RANBP2: variants seen among roughly 807,000 people sequenced by gnomAD.
RANBP2 encodes RAN binding protein 2, also known as E3 SUMO-protein ligase RanBP2.
Under a neutral mutation model 303.6 loss-of-function variants are expected in RANBP2, and 57 were observed. The observed-to-expected ratio is 0.19, with a 90% CI of 0.15 to 0.23. RANBP2 has a LOEUF of 0.23. Ranked by LOEUF, RANBP2 falls within the 10% of genes least tolerant of loss-of-function variation. RANBP2 has a pLI of 1.00. For synonymous variants in RANBP2, 1,167 were observed against 1,301.5 expected (o/e 0.90, Z 2.23); for missense variants, 3,138 against 3,780.8 (o/e 0.83, Z 4.46).
the RANBP2 span, among the ~76,000 whole-genome samples, chr2:109,429,706 G>A: frequency 2.0e-5 from 3 of 152,144 alleles, no homozygotes; most frequent in Non-Finnish European, 4.4e-5. Context: ...CTGAACATGC[G>A]TGACCATGGA....
chr2:108,847,281 A>G, the RANBP2 span, among the ~76,000 whole-genome samples: 1 of 152,200 alleles, frequency 6.6e-6, no homozygotes, highest in Admixed American at 6.5e-5. Context: ...AATCTGGCCT[A>G]CCACCTGTTT....
chr2:109,106,987 G>C, the RANBP2 span, among the ~76,000 whole-genome samples: 1 of 142,324 alleles, frequency 7.0e-6, no homozygotes, highest in Admixed American at 7.4e-5. Flanking sequence ...ACCCAGGCTA[G>C]AGTGCAATGC....
the RANBP2 span, among the ~76,000 whole-genome samples, chr2:109,064,325 G>A: frequency 9.8e-3 from 1,491 of 151,886 alleles, 11 homozygotes; most frequent in East Asian, 0.042. Flanking sequence ...GCATGGTGTC[G>A]GGTGCCTGTA....
At chr2:109,034,325 G>C in the RANBP2 span, among the ~76,000 whole-genome samples, 1 of 150,178 alleles carries the variant, frequency 6.7e-6, no homozygotes, top group Non-Finnish European at 1.5e-5. Flanking sequence ...AACCAGAAGG[G>C]TCAATTTCTA....
chr2:109,638,382 A>G, the RANBP2 span, among the ~76,000 whole-genome samples: 2 of 152,184 alleles, frequency 1.3e-5, no homozygotes, highest in Non-Finnish European at 1.5e-5. Flanking sequence ...CGAAACTTTC[A>G]TTTTCATGTT....
At chr2:108,821,928 CAAA>C in the RANBP2 span, among the ~76,000 whole-genome samples, 2 of 130,836 alleles carry the variant, frequency 1.5e-5, no homozygotes, top group East Asian at 2.2e-4. Flanking sequence ...AACTTTGTCT[CAAA>C]AAAAAAAAAA....
At chr2:109,618,015 C>CAAAAAA in the RANBP2 span, 4 of 116,280 alleles carry the variant, frequency 3.4e-5, no homozygotes, top group African/African-American at 1.3e-4. Flanking sequence ...GACTCTGTCT[C>CAAAAAA]AAAAAAAAAA....
chr2:109,031,674 T>C, the RANBP2 span, among the ~76,000 whole-genome samples: 1 of 152,114 alleles, frequency 6.6e-6, no homozygotes, highest in Non-Finnish European at 1.5e-5. Context: ...AGAGCGCCGC[T>C]TCAGCGTCGG....
chr2:109,517,580 C>G, the RANBP2 span, among the ~76,000 whole-genome samples: 1 of 152,232 alleles, frequency 6.6e-6, no homozygotes, highest in Non-Finnish European at 1.5e-5. Context: ...GAATCCTGCC[C>G]AGGCCCTCCT....
At chr2:109,777,324 A>G in the RANBP2 span, among the ~76,000 whole-genome samples, 9 of 148,058 alleles carry the variant, frequency 6.1e-5, no homozygotes, top group Non-Finnish European at 7.4e-5. Context: ...ATCTATTAAT[A>G]CTTTAATATA....
the RANBP2 span, among the ~76,000 whole-genome samples, chr2:108,808,014 T>C: frequency 1.3e-5 from 2 of 152,246 alleles, no homozygotes; most frequent in African/African-American, 2.4e-5. Context: ...TCTGTACTTC[T>C]GTGAGATCAA....
chr2:109,419,121 G>C, the RANBP2 span, among the ~76,000 whole-genome samples: 1 of 152,214 alleles, frequency 6.6e-6, no homozygotes, highest in East Asian at 1.9e-4. Context: ...ATTTTCTTTA[G>C]GGATTAATCT....
the RANBP2 span, among the ~76,000 whole-genome samples, chr2:109,457,824 T>A: frequency 3.3e-5 from 5 of 152,128 alleles, no homozygotes; most frequent in Non-Finnish European, 7.4e-5. Flanking sequence ...GCACACCCCA[T>A]AAACTACATC....
At chr2:108,997,426 G>C in the RANBP2 span, among the ~76,000 whole-genome samples, 1 of 95,316 alleles carries the variant, frequency 1.0e-5, no homozygotes, top group Non-Finnish European at 1.8e-5. Flanking sequence ...TGGAGACAGA[G>C]CAAGACTCTG....
the RANBP2 span, among the ~76,000 whole-genome samples, chr2:108,900,319 GC>G: frequency 6.6e-6 from 1 of 152,222 alleles, no homozygotes; most frequent in African/African-American, 2.4e-5. Flanking sequence ...ACTTTGGGAG[GC>G]CAAGGCAGAT....
the RANBP2 span, among the ~76,000 whole-genome samples, chr2:109,566,859 TAAA>T: frequency 2.6e-5 from 4 of 152,198 alleles, no homozygotes; most frequent in African/African-American, 9.6e-5. Context: ...AAGTCTAATG[TAAA>T]AATTATTAAT....
At chr2:108,721,920 T>G (rs1370183971) in intron 1 of RANBP2, among the ~76,000 whole-genome samples, 2 of 151,988 alleles carry the variant, frequency 1.3e-5, no homozygotes, top group Non-Finnish European at 2.9e-5. Flanking sequence ...TTCTTTAATG[T>G]AGAGACGGGG....
At chr2:108,853,033 A>G in the RANBP2 span, among the ~76,000 whole-genome samples, 1 of 152,136 alleles carries the variant, frequency 6.6e-6, no homozygotes, top group African/African-American at 2.4e-5. Flanking sequence ...ACCAAAATAC[A>G]TCATAACCTT....
the RANBP2 span, among the ~76,000 whole-genome samples, chr2:109,077,436 G>A: frequency 1.3e-5 from 2 of 150,404 alleles, no homozygotes; most frequent in Admixed American, 1.3e-4. Flanking sequence ...AAATGCACAA[G>A]CAACAAATGC....
Sources: allele counts gnomAD v4.1 joint callset (sites outside exome capture counted in the v4.1 genomes callset), GRCh38; gene constraint gnomAD v4.1.1; transcripts MANE v1.5; gene names NCBI Gene and HGNC (gene_info 2026-07-23, HGNC 2026-07-21).